The following MECOM variants were observed in gnomAD, a reference collection of about 807,000 sequenced individuals.
MECOM encodes histone-lysine N-methyltransferase MECOM.
Under a neutral mutation model 116.3 loss-of-function variants are expected in MECOM, and 13 were observed. That is an observed-to-expected ratio of 0.11 (90% CI 0.07 to 0.18). The LOEUF (loss-of-function observed/expected upper bound fraction) is 0.18. Among genes scored for constraint, MECOM ranks in the 10% least tolerant of loss-of-function variants. The pLI is 1.00. For missense variants in MECOM, 1,299 were observed against 1,509.0 expected (o/e 0.86, Z 2.31); for synonymous variants, 528 against 535.2 (o/e 0.99, Z 0.19).
intron 1 of MECOM, among the ~76,000 whole-genome samples, chr3:169,426,153 G>A (rs1267056179): frequency 1.3e-5 from 2 of 152,092 alleles, no homozygotes; most frequent in Non-Finnish European, 1.5e-5. Flanking sequence ...CTCCCTACAC[G>A]AAAATATAAT....
chr3:169,569,220 A>G (rs1763599992), intron 1 of MECOM, among the ~76,000 whole-genome samples: 1 of 152,172 alleles, frequency 6.6e-6, no homozygotes, highest in Non-Finnish European at 1.5e-5. Flanking sequence ...CAGACTTTAA[A>G]CCAACAAAGA....
At chr3:169,299,855 C>T (rs1716371236) in intron 2 of MECOM, among the ~76,000 whole-genome samples, 1 of 151,882 alleles carries the variant, frequency 6.6e-6, no homozygotes, top group Non-Finnish European at 1.5e-5. Context: ...AAACAAATTG[C>T]ATAATTTTTT....
intron 2 of MECOM, among the ~76,000 whole-genome samples, chr3:169,199,964 C>A (rs1474963060): frequency 2.6e-5 from 4 of 152,020 alleles, no homozygotes; most frequent in Non-Finnish European, 5.9e-5. Context: ...AAGAAGCATA[C>A]AACTCTGCTT....
chr3:169,378,450 AAG>A (rs1263794091), intron 2 of MECOM, among the ~76,000 whole-genome samples: 12 of 54,086 alleles, frequency 2.2e-4, no homozygotes, highest in African/African-American at 1.2e-3. Flanking sequence ...AGAAAGAAAG[AAG>A]GAAAGCAAGC....
At position 169,120,940 on chromosome 3, in the gene MECOM, C is replaced by A. The variant is rs1191050225; in HGVS notation, c.1132+116G>T. 2.8e-6 allele frequency: 3 copies of A among 1,052,682 alleles called. No homozygotes were observed. The African/African-American group carries it at 4.8e-5, about 17-fold the overall frequency. 65.2% of individuals were successfully genotyped at this position (1,052,682 alleles called of 1,614,324 possible). On this transcript the variant is annotated intron_variant, in intron 7 of 16. Coordinates refer to ENST00000651503, the MANE Select transcript of MECOM (RefSeq NM_004991.4). ...CATAAATAGCCCTACTGGATTGGAC[C>A]ATAAATAGCTAACACGGTGACCCTC...
chr3:169,101,892 A>G (rs1193923816), intron 11 of MECOM, among the ~76,000 whole-genome samples, 168 bp downstream of exon 11: 1 of 152,228 alleles, frequency 6.6e-6, no homozygotes, highest in African/African-American at 2.4e-5. Context: ...TTTTTTAAAA[A>G]CACTATTTTT....
In MECOM at chr3:169,308,950, G is replaced by C. The variant is rs116789677; in HGVS notation, c.375+72237C>G. Reference sequence around the variant, plus strand: ...AATCAAACAAAAGATGGGAAATTATGACATTCCACCACTAAGGTTTAACTC... The same window carrying C: ...AATCAAACAAAAGATGGGAAATTATCACATTCCACCACTAAGGTTTAACTC... On this transcript the variant is annotated intron_variant, in intron 2 of 16. Coordinates refer to ENST00000651503, the MANE Select transcript of MECOM (RefSeq NM_004991.4). Among the ~76,000 whole-genome samples the C allele has an allele frequency of 1.0e-3, 155 of 152,276 alleles. 2 individuals are homozygous for C. The highest frequency in any genetic ancestry group is 3.7e-3 in the African/African-American group (152 of 41,554).
At chr3:169,286,636 C>T (rs937854647) in intron 2 of MECOM, among the ~76,000 whole-genome samples, 2 of 152,030 alleles carry the variant, frequency 1.3e-5, no homozygotes, top group Non-Finnish European at 2.9e-5. Flanking sequence ...TTTTTATGTC[C>T]ACCACTCCCT....
intron 1 of MECOM, among the ~76,000 whole-genome samples, chr3:169,496,390 A>G (rs1753823211): frequency 6.6e-6 from 1 of 152,248 alleles, no homozygotes; most frequent in Non-Finnish European, 1.5e-5. Flanking sequence ...TGTAACCTAA[A>G]AGAGGGATTT....
chr3:169,320,041 C>A (rs531914273), intron 2 of MECOM, among the ~76,000 whole-genome samples: 1 of 152,126 alleles, frequency 6.6e-6, no homozygotes, highest in Admixed American at 6.5e-5. Context: ...AGAGATAAGA[C>A]GATTGTCTAG....
At chr3:169,094,924 AAAAT>A (rs1310119724) in intron 13 of MECOM, 148 bp downstream of exon 13, 1 of 614,216 alleles carries the variant, frequency 1.6e-6, no homozygotes, top group Non-Finnish European at 2.5e-6. Flanking sequence ...ACATTATTCT[AAAAT>A]CTCAACAGAA....
chr3:169,381,011 C>A (rs1732301599), intron 2 of MECOM, among the ~76,000 whole-genome samples, 176 bp downstream of exon 2: 1 of 152,064 alleles, frequency 6.6e-6, no homozygotes, highest in African/African-American at 2.4e-5. Flanking sequence ...CACGCTATAC[C>A]TTTAATCAAT....
chr3:169,396,491 T>C (rs1328061035), intron 1 of MECOM, among the ~76,000 whole-genome samples: 2 of 152,322 alleles, frequency 1.3e-5, no homozygotes, highest in African/African-American at 4.8e-5. Flanking sequence ...GTCTATTGAT[T>C]ACATGCTGAA....
At chr3:169,489,574 G>A (rs987935803) in intron 1 of MECOM, among the ~76,000 whole-genome samples, 6 of 152,132 alleles carry the variant, frequency 3.9e-5, no homozygotes, top group Non-Finnish European at 8.8e-5. Context: ...GGGACCCAAG[G>A]AACAAACCTG....
chr3:169,173,813 C>A (rs1020598721), intron 2 of MECOM, among the ~76,000 whole-genome samples: 1 of 152,186 alleles, frequency 6.6e-6, no homozygotes, highest in African/African-American at 2.4e-5. Flanking sequence ...ATGTGACTAC[C>A]TACACTGACG....
intron 1 of MECOM, among the ~76,000 whole-genome samples, chr3:169,599,668 G>A (rs180995288): frequency 1.3e-5 from 2 of 152,158 alleles, no homozygotes; most frequent in Non-Finnish European, 2.9e-5. Flanking sequence ...CTCTCACTGG[G>A]AATGGTTGAG....
intron 1 of MECOM, among the ~76,000 whole-genome samples, chr3:169,659,152 C>T (rs1775919082): frequency 6.6e-6 from 1 of 150,678 alleles, no homozygotes. Flanking sequence ...TCTAGTCCTA[C>T]ATGTTGAATG....
chr3:169,088,342 C>G (rs975337141), intron 16 of MECOM, among the ~76,000 whole-genome samples: 4 of 152,102 alleles, frequency 2.6e-5, no homozygotes, highest in African/African-American at 9.7e-5. Flanking sequence ...TTTATGGACC[C>G]TTAAATAGAT....
intron 1 of MECOM, among the ~76,000 whole-genome samples, chr3:169,492,802 A>T (rs903154602): frequency 3.9e-5 from 6 of 152,060 alleles, no homozygotes; most frequent in Non-Finnish European, 1.5e-5. Flanking sequence ...TCTACTAAAA[A>T]TACAAAAATT....
Sources: allele counts gnomAD v4.1 joint callset (sites outside exome capture counted in the v4.1 genomes callset), GRCh38; gene constraint gnomAD v4.1.1; transcripts MANE v1.5; gene names NCBI Gene and HGNC (gene_info 2026-07-23, HGNC 2026-07-21).